WIPF2: variants seen among roughly 807,000 people sequenced by gnomAD.
The protein encoded by WIPF2 is WAS/WASL-interacting protein family member 2.
WIPF2 carries 23 observed loss-of-function variants against 38.8 expected under a neutral mutation model. The ratio of observed to expected loss-of-function variants is 0.59; its 90% CI spans 0.43 to 0.84. The LOEUF (loss-of-function observed/expected upper bound fraction) is 0.84, where lower values mean the gene tolerates loss of function less well. Ranked by LOEUF, WIPF2 falls within the 40% of genes least tolerant of loss-of-function variation. The probability of loss-of-function intolerance (pLI) is 0.00; values close to 1 mark genes in which losing one functional copy is unlikely to be tolerated. For synonymous variants in WIPF2, 210 were observed against 223.2 expected (o/e 0.94, Z 0.53); for missense variants, 574 against 580.5 (o/e 0.99, Z 0.11).
chr17:40,270,950 A>G (rs2145404735), intron 5 of WIPF2, among the ~76,000 whole-genome samples: 2 of 152,010 alleles, frequency 1.3e-5, no homozygotes, highest in Middle Eastern at 3.4e-3. Flanking sequence ...CACTACAGCA[A>G]TTCTGATAGT....
rs2032562967 is a variant in WIPF2, at chr17:40,282,166, C to T, written c.*3941C>T. 1.3e-5 allele frequency: 2 copies of T among 149,104 alleles called. No homozygotes were observed. Among genetic ancestry groups the T allele is most frequent in the African/African-American group, 2.5e-5 (1 of 40,278 alleles). The allele number at this position is 149,104 out of a possible 1,614,324, so 9.2% of individuals were successfully genotyped here. On this transcript the variant is annotated 3_prime_UTR_variant, in exon 8 of 8. Coordinates refer to ENST00000323571, the MANE Select transcript of WIPF2 (RefSeq NM_133264.5). ...CTTTAACCGAAGGAAGGGTTTGGTT[C>T]CATTCAACTCCACATTCATTGTGCC... is the stretch of plus-strand genomic sequence containing the variant.
chr17:40,229,937 A>G (rs1009648589), intron 1 of WIPF2, among the ~76,000 whole-genome samples: 1 of 152,136 alleles, frequency 6.6e-6, no homozygotes, highest in Non-Finnish European at 1.5e-5. Flanking sequence ...GGAGGGAAAG[A>G]ATGTTTGTAT....
At chr17:40,236,544 G>C (rs1454618620) in intron 1 of WIPF2, among the ~76,000 whole-genome samples, 2 of 148,294 alleles carry the variant, frequency 1.3e-5, no homozygotes, top group Non-Finnish European at 3.0e-5. Flanking sequence ...GGCCTCAACC[G>C]ATCCTCCTGG....
At chr17:40,268,312 C>G (rs995179149) in intron 5 of WIPF2, among the ~76,000 whole-genome samples, 1 of 152,196 alleles carries the variant, frequency 6.6e-6, no homozygotes, top group Admixed American at 6.5e-5. Flanking sequence ...CCATATCTCC[C>G]TAGCTTTAGC....
intron 3 of WIPF2, 64 bp downstream of exon 3, chr17:40,260,731 TG>T (rs1395901535): frequency 3.1e-6 from 5 of 1,610,282 alleles, no homozygotes; most frequent in Non-Finnish European, 4.2e-6. Context: ...GAGACTTGGC[TG>T]GGTTCTTATT....
At chr17:40,266,408 C>T (rs2032089943) in intron 5 of WIPF2, among the ~76,000 whole-genome samples, 1 of 151,988 alleles carries the variant, frequency 6.6e-6, no homozygotes, top group African/African-American at 2.4e-5. Flanking sequence ...GTCAGCTGTG[C>T]CCAGTGCTGC....
intron 1 of WIPF2, among the ~76,000 whole-genome samples, chr17:40,252,826 C>T (rs181189014): frequency 3.3e-5 from 5 of 150,928 alleles, no homozygotes; most frequent in East Asian, 2.0e-4. Context: ...TACAATGGCG[C>T]GATCTCGGCT....
At position 40,277,154 on chromosome 17, in the gene WIPF2, C is replaced by T; in HGVS notation, c.1252C>T (p.Gln418Ter). The change falls in exon 7 of 8, where the codon CAG becomes TAG. Residue 418 changes from glutamine to a stop codon, truncating the protein, a stop_gained. Transcript: ENST00000323571. LOFTEE classifies it high-confidence loss of function. ...TGCTCCAGAAGAATATAAACACTTT[C>T]AGAGGATATATCCCAGCAAAACAAA... ...FPAPEEYKHF[Q>*]RIYPSKTNRA... The T allele has an allele frequency of 6.2e-7, 1 of 1,613,222 alleles. No individual in the cohort carries two copies. The highest frequency in any genetic ancestry group is 8.5e-7 in the Non-Finnish European group (1 of 1,179,518).
At chr17:40,239,554 G>A (rs2031106962) in intron 1 of WIPF2, among the ~76,000 whole-genome samples, 1 of 152,066 alleles carries the variant, frequency 6.6e-6, no homozygotes, top group Non-Finnish European at 1.5e-5. Flanking sequence ...AATGTTTTTG[G>A]AGCCAAGTGA....
intron 5 of WIPF2, among the ~76,000 whole-genome samples, chr17:40,268,881 T>A (rs1322219744): frequency 6.6e-6 from 1 of 152,320 alleles, no homozygotes; most frequent in East Asian, 1.9e-4. Flanking sequence ...CTGTAAAATG[T>A]ACATTTGAAA....
Position 40,264,511 on chromosome 17 carries a change from C to T in WIPF2, c.335C>T (p.Ala112Val), listed in dbSNP as rs1324752012. 18 of 1,614,080 alleles carry T rather than the reference C, an allele frequency of 1.1e-5. No homozygotes were observed. Among genetic ancestry groups the T allele is most frequent in the East Asian group, 2.2e-5 (1 of 44,886 alleles). The change falls in exon 5 of 8, where the codon GCC (alanine) becomes GTC (valine). Residue 112 changes from alanine (A) to valine (V), a missense_variant. Transcript: ENST00000323571. ...DGSENLAGKP[A>V]LQIPSSRAAA... ...GTAGAGAACCTAGCTGGTAAGCCAG[C>T]CCTGCAAATCCCCAGTTCTCGAGCT...
At chr17:40,237,090 C>G (rs920759309) in intron 1 of WIPF2, among the ~76,000 whole-genome samples, 1 of 151,970 alleles carries the variant, frequency 6.6e-6, no homozygotes, top group Non-Finnish European at 1.5e-5. Context: ...TTCAATCTAT[C>G]CTGGGAAATT....
chr17:40,264,552 C>G lies in WIPF2; in HGVS notation c.376C>G (p.Pro126Ala). ...TTCTCGAGCTGCTGCCCCAAGGCCT[C>G]CAGTATCTGCCGCCAGCGGGCGTCC... ...PSSRAAAPRP[P>A]VSAASGRPQD... Residue 126 changes from proline (P) to alanine (A), a missense_variant, in exon 5 of 8, where the codon CCA becomes GCA. Transcript: ENST00000323571. The G allele has an allele frequency of 6.2e-7, 1 of 1,614,090 alleles. No homozygotes were observed. The highest frequency in any genetic ancestry group is 8.5e-7 in the Non-Finnish European group (1 of 1,180,024).
intron 1 of WIPF2, among the ~76,000 whole-genome samples, chr17:40,239,228 C>T (rs979267867): frequency 1.2e-4 from 18 of 151,680 alleles, no homozygotes; most frequent in African/African-American, 4.4e-4. Context: ...CCCGCCACCA[C>T]GCCCGGCTAA....
chr17:40,235,961 A>C (rs190039907), intron 1 of WIPF2, among the ~76,000 whole-genome samples: 175 of 150,732 alleles, frequency 1.2e-3, no homozygotes, highest in African/African-American at 4.2e-3. Context: ...GGATTAAAAA[A>C]ATTTTTTTTT....
At chr17:40,275,605 C>T (rs1293115468) in intron 6 of WIPF2, among the ~76,000 whole-genome samples, 1 of 152,062 alleles carries the variant, frequency 6.6e-6, no homozygotes, top group Non-Finnish European at 1.5e-5. Flanking sequence ...GCTTTGTCAT[C>T]CAAGCTGGAG....
intron 1 of WIPF2, among the ~76,000 whole-genome samples, chr17:40,252,881 A>G (rs1169122061): frequency 6.6e-6 from 1 of 151,270 alleles, no homozygotes; most frequent in African/African-American, 2.4e-5. Context: ...CTCCTGCCTC[A>G]GCCTCCCTAG....
intron 1 of WIPF2, among the ~76,000 whole-genome samples, chr17:40,252,603 G>A (rs1013120266): frequency 2.6e-5 from 4 of 151,074 alleles, no homozygotes; most frequent in African/African-American, 7.3e-5. Flanking sequence ...GGAAGAGGTT[G>A]CAGCGAGCCG....
intron 2 of WIPF2, among the ~76,000 whole-genome samples, chr17:40,258,616 G>T (rs1036387749): frequency 3.9e-5 from 6 of 151,902 alleles, no homozygotes; most frequent in African/African-American, 1.2e-4. Context: ...AGCTTGTATG[G>T]TGATGTTGGG....
Sources: gnomAD v4.1 joint callset for allele counts (sites outside exome capture counted in the v4.1 genomes callset) on GRCh38, gnomAD v4.1.1 for gene constraint, MANE v1.5 for transcripts, NCBI Gene and HGNC (gene_info 2026-07-23, HGNC 2026-07-21) for gene names.